NKAIN3: variants seen among roughly 807,000 people sequenced by gnomAD.
NKAIN3 encodes the protein sodium/potassium-transporting ATPase subunit beta-1-interacting protein 3.
In NKAIN3, 25 loss-of-function variants were observed where a neutral mutation model predicts 30.2. The observed-to-expected ratio is 0.83, with a 90% CI of 0.60 to 1.16. The LOEUF (loss-of-function observed/expected upper bound fraction) is 1.16, where lower values mean the gene tolerates loss of function less well. Ranked by LOEUF, NKAIN3 falls within the 50% of genes most tolerant of loss-of-function variation. The probability of loss-of-function intolerance (pLI) is 0.00; values close to 1 mark genes in which losing one functional copy is unlikely to be tolerated. For missense variants in NKAIN3, 225 were observed against 254.1 expected, an observed-to-expected ratio of 0.89 and a Z score of 0.78; for synonymous variants, 91 against 89.6, an observed-to-expected ratio of 1.02 and a Z score of -0.09.
At chr8:62,562,219 G>T (rs1262969889) in intron 1 of NKAIN3, among the ~76,000 whole-genome samples, 1 of 152,030 alleles carries the variant, frequency 6.6e-6, no homozygotes, top group Non-Finnish European at 1.5e-5. Context: ...AAACTTTCCT[G>T]GTCCTTCAAG....
At chr8:62,493,696 G>A (rs1807146524) in intron 1 of NKAIN3, among the ~76,000 whole-genome samples, 1 of 151,754 alleles carries the variant, frequency 6.6e-6, no homozygotes, top group South Asian at 2.1e-4. Flanking sequence ...CTCCATCTCT[G>A]AGTTCTTTGA....
intron 1 of NKAIN3, among the ~76,000 whole-genome samples, chr8:62,471,983 C>T (rs1376424706): frequency 6.7e-6 from 1 of 149,794 alleles, no homozygotes; most frequent in Non-Finnish European, 1.5e-5. Context: ...AACAAACAAA[C>T]AGCCTGCGCC....
intron 1 of NKAIN3, among the ~76,000 whole-genome samples, chr8:62,473,614 A>G (rs1392356364): frequency 1.3e-5 from 2 of 152,166 alleles, no homozygotes; most frequent in Non-Finnish European, 2.9e-5. Flanking sequence ...TGCCAGCAGA[A>G]TGAAATCCAT....
intron 4 of NKAIN3, among the ~76,000 whole-genome samples, chr8:62,827,877 A>C (rs1271870389): frequency 6.6e-6 from 1 of 152,174 alleles, no homozygotes; most frequent in Admixed American, 6.6e-5. Flanking sequence ...TATGAGCTAC[A>C]CCAAGGTATT....
chr8:62,846,124 A>T (rs1047027167), intron 4 of NKAIN3, among the ~76,000 whole-genome samples: 12 of 148,798 alleles, frequency 8.1e-5, no homozygotes, highest in African/African-American at 2.3e-4. Flanking sequence ...GAATAAAGAT[A>T]AAAAAAACAC....
At chr8:62,876,608 A>G (rs941273481) in intron 4 of NKAIN3, among the ~76,000 whole-genome samples, 1 of 152,240 alleles carries the variant, frequency 6.6e-6, no homozygotes, top group African/African-American at 2.4e-5. Flanking sequence ...TGTGGTAAAT[A>G]TACACCATAG....
At position 62,951,470 on chromosome 8, in the gene NKAIN3, G is replaced by A. The variant is rs138398218; in HGVS notation, c.533-2432G>A. 1.2e-4 allele frequency among the ~76,000 whole-genome samples: 18 copies of A among 151,972 alleles called. No individual in the cohort carries two copies. In the East Asian group the frequency reaches 2.9e-3, roughly 25 times the overall value. ...TTTGTTTGTTTGTTTGCTTTGTTTT[G>A]CGGAAAGGATCTGAGTTTGTTTCCC... On this transcript the variant is annotated intron_variant, in intron 5 of 6. Transcript: ENST00000623646.
Position 62,394,075 on chromosome 8 carries a change from A to C in NKAIN3, c.54+144948A>C, listed in dbSNP as rs1388242126. ...CCATTCTAACATGTGCCTTTCATTT[A>C]TTTCTTTTTTGTCTTGCTATACTTG... is the stretch of plus-strand genomic sequence containing the variant. On this transcript the variant is annotated intron_variant, in intron 1 of 6. Coordinates refer to ENST00000623646, the MANE Select transcript of NKAIN3 (RefSeq NM_001304533.3). Among the ~76,000 whole-genome samples the C allele has an allele frequency of 1.4e-4, 22 of 152,212 alleles. No individual in the cohort carries two copies. In the East Asian group the frequency reaches 3.9e-3, roughly 27 times the overall value.
Position 62,717,797 on chromosome 8 carries a change from G to A in NKAIN3, c.274-29135G>A, listed in dbSNP as rs75597748. ...GTGAATCAGATGGCAAAAATGATAG[G>A]TGTAAGAACAAAGTATATGGCTTTT... On this transcript the variant is annotated intron_variant, in intron 3 of 6. Transcript: ENST00000623646. Among the ~76,000 whole-genome samples the A allele has an allele frequency of 1.2e-4, 18 of 152,272 alleles. No homozygotes were observed. The East Asian group carries it at 3.3e-3, about 28-fold the overall frequency.
At chr8:62,474,639 A>G (rs1806457086) in intron 1 of NKAIN3, among the ~76,000 whole-genome samples, 1 of 152,228 alleles carries the variant, frequency 6.6e-6, no homozygotes, top group Non-Finnish European at 1.5e-5. Flanking sequence ...ACTAAACAAT[A>G]TCATCAATCT....
At chr8:62,363,229 CG>C (rs1816621849) in intron 1 of NKAIN3, among the ~76,000 whole-genome samples, 1 of 152,174 alleles carries the variant, frequency 6.6e-6, no homozygotes, top group South Asian at 2.1e-4. Flanking sequence ...TGTTACCCTT[CG>C]TTTGCCTTTG....
chr8:62,535,883 C>T (rs1808645236), intron 1 of NKAIN3, among the ~76,000 whole-genome samples: 1 of 152,120 alleles, frequency 6.6e-6, no homozygotes, highest in South Asian at 2.1e-4. Flanking sequence ...TAGAGTCCTA[C>T]TTTGGGCAGG....
At chr8:62,582,446 G>A (rs76447971) in intron 2 of NKAIN3, among the ~76,000 whole-genome samples, 103 of 152,254 alleles carry the variant, frequency 6.8e-4, no homozygotes, top group African/African-American at 2.5e-3. Flanking sequence ...GAGCACACTA[G>A]CCATGAGATG....
intron 4 of NKAIN3, among the ~76,000 whole-genome samples, chr8:62,898,396 AAAT>A (rs1821502801): frequency 6.6e-6 from 1 of 152,188 alleles, no homozygotes; most frequent in African/African-American, 2.4e-5. Context: ...AAAAAGAATG[AAAT>A]AATGTCTTCT....
intron 1 of NKAIN3, among the ~76,000 whole-genome samples, chr8:62,441,766 A>G (rs1391319352): frequency 6.6e-6 from 1 of 152,030 alleles, no homozygotes; most frequent in South Asian, 2.1e-4. Flanking sequence ...AGTACAATAT[A>G]GAAAAAAATC....
At chr8:62,300,179 G>C (rs1329719460) in intron 1 of NKAIN3, among the ~76,000 whole-genome samples, 1 of 151,990 alleles carries the variant, frequency 6.6e-6, no homozygotes, top group Non-Finnish European at 1.5e-5. Flanking sequence ...GAGTCAGTGG[G>C]GGTGGGGGAA....
At chr8:62,517,814 G>A (rs763379333) in intron 1 of NKAIN3, among the ~76,000 whole-genome samples, 5 of 152,118 alleles carry the variant, frequency 3.3e-5, no homozygotes, top group Non-Finnish European at 5.9e-5. Context: ...TCTACAGTTT[G>A]TTCAGAATGG....
chr8:62,391,109 T>C (rs1817573470), intron 1 of NKAIN3, among the ~76,000 whole-genome samples: 1 of 152,180 alleles, frequency 6.6e-6, no homozygotes, highest in Non-Finnish European at 1.5e-5. Flanking sequence ...CCTCATGAAA[T>C]CTTTGCCCGT....
intron 4 of NKAIN3, among the ~76,000 whole-genome samples, chr8:62,780,362 A>G (rs1291756402): frequency 6.6e-6 from 1 of 152,144 alleles, no homozygotes; most frequent in Non-Finnish European, 1.5e-5. Context: ...CACCAAATGT[A>G]TAAAGAACTA....
Sources: allele counts gnomAD v4.1 joint callset (sites outside exome capture counted in the v4.1 genomes callset), GRCh38; gene constraint gnomAD v4.1.1; transcripts MANE v1.5; gene names NCBI Gene and HGNC (gene_info 2026-07-23, HGNC 2026-07-21).